FAM120C: variants seen among roughly 807,000 people sequenced by gnomAD.
FAM120C encodes constitutive coactivator of PPAR-gamma-like protein 2.
FAM120C carries 14 observed loss-of-function variants against 71.2 expected under a neutral mutation model. That is an observed-to-expected ratio of 0.20 (90% CI 0.13 to 0.31). The LOEUF (loss-of-function observed/expected upper bound fraction) is 0.31, where lower values mean the gene tolerates loss of function less well. Among genes scored for constraint, FAM120C ranks in the 10% least tolerant of loss-of-function variants. FAM120C has a pLI of 1.00. For synonymous variants in FAM120C, 354 were observed against 353.2 expected (o/e 1.00, Z -0.03); for missense variants, 500 against 879.0 (o/e 0.57, Z 5.45).
At chrX:54,170,890 C>T (rs1232391314) in intron 1 of FAM120C, among the ~76,000 whole-genome samples, 1 of 111,664 alleles carries the variant, frequency 9.0e-6, no homozygotes, top group Non-Finnish European at 1.9e-5. Context: ...CAAATCTTCA[C>T]GACTGAGAAG....
chrX:54,104,779 G>A (rs1186429694), intron 10 of FAM120C, among the ~76,000 whole-genome samples: 1 of 108,772 alleles, frequency 9.2e-6, no homozygotes, highest in Non-Finnish European at 1.9e-5. Context: ...CTGCACTTCA[G>A]CCTGGGCAAC....
At chrX:54,125,495 G>A (rs1034694190) in intron 9 of FAM120C, among the ~76,000 whole-genome samples, 5 of 111,521 alleles carry the variant, frequency 4.5e-5, no homozygotes, top group African/African-American at 1.6e-4. Context: ...TAGCAGAGAT[G>A]GGGTCTCTCC....
chrX:54,112,184 A>T (rs1306153681), intron 10 of FAM120C, among the ~76,000 whole-genome samples: 1 of 111,568 alleles, frequency 9.0e-6, no homozygotes, highest in African/African-American at 3.3e-5. Context: ...TGGGAGGCTG[A>T]GGTGGGTGGA....
intron 12 of FAM120C, among the ~76,000 whole-genome samples, chrX:54,087,168 C>T (rs1441623578): frequency 9.1e-6 from 1 of 110,186 alleles, no homozygotes; most frequent in Non-Finnish European, 1.9e-5. Context: ...CAAAAATTAG[C>T]TGGGCCTGGT....
At chrX:54,150,310 ATATCTCATG>A (rs1245945150) in intron 4 of FAM120C, among the ~76,000 whole-genome samples, 4 of 112,133 alleles carry the variant, frequency 3.6e-5, no homozygotes, top group African/African-American at 6.5e-5. Context: ...AAAGTATTGA[ATATCTCATG>A]TAATATACTG....
In FAM120C at chrX:54,182,851, G is replaced by A; in HGVS notation, c.348C>T (p.Ala116=). 9 of 1,162,888 alleles carry A rather than the reference G, an allele frequency of 7.7e-6. No individual in the cohort carries two copies. The South Asian group carries it at 1.6e-4, about 21-fold the overall frequency. Residue 116 remains alanine, a synonymous_variant, in exon 1 of 16, where the codon GCC becomes GCT. Transcript: ENST00000375180. The part of the protein sequence containing the change: ...PPPPPPQLPG[A]RVLVDAGSAL... ...CCGAGCCGGCGTCCACCAGCACCCG[G>A]GCCCCGGGCAGCTGAGGGGGCGGCG...
At chrX:54,173,978 A>G (rs1417135986) in intron 1 of FAM120C, 1 of 440,933 alleles carries the variant, frequency 2.3e-6, no homozygotes, top group Non-Finnish European at 4.0e-6. Context: ...CTGGGGAAGG[A>G]TCCGCTTCCA....
chrX:54,114,335 C>T (rs909541835), intron 10 of FAM120C, among the ~76,000 whole-genome samples: 4 of 111,581 alleles, frequency 3.6e-5, no homozygotes, highest in African/African-American at 9.8e-5. Context: ...GTGATGGCTA[C>T]GTGAAAAGCC....
chrX:54,151,290 G>A lies in FAM120C; in HGVS notation c.1113C>T (p.Pro371=), dbSNP rs146265936. The A allele has an allele frequency of 8.3e-7, 1 of 1,210,863 alleles. No individual in the cohort carries two copies. The highest frequency in any genetic ancestry group is 1.7e-5 in the African/African-American group (1 of 57,715). The change falls in exon 4 of 16, where the codon CCC becomes CCT. Residue 371 remains proline (P), a synonymous_variant. Transcript: ENST00000375180. The part of the protein sequence containing the change: ...VSEYVSSIKD[P]SNLDVVGKDV... Reference sequence around the variant, plus strand: ...CCTTCCCAACTACATCCAGGTTTGAGGGATCTTTGATGGAACTGACATACT... The same window carrying A: ...CCTTCCCAACTACATCCAGGTTTGAAGGATCTTTGATGGAACTGACATACT...
intron 4 of FAM120C, among the ~76,000 whole-genome samples, chrX:54,143,902 C>G (rs1334063488): frequency 9.0e-6 from 1 of 111,610 alleles, no homozygotes; most frequent in Non-Finnish European, 1.9e-5. Flanking sequence ...AACATTGATG[C>G]AAAAATCCTC....
At chrX:54,136,632 G>T in intron 4 of FAM120C, 42 bp from the exon 5 acceptor site, 1 of 915,109 alleles carries the variant, frequency 1.1e-6, no homozygotes, top group Non-Finnish European at 1.6e-6. Context: ...AAAAACATGA[G>T]AGTGTTTTTT....
Position 54,133,884 on chromosome X carries a change from C to T in FAM120C, c.1779G>A (p.Met593Ile). The change falls in exon 8 of 16, where the codon ATG becomes ATA. Residue 593 changes from methionine to isoleucine, a missense_variant. By Grantham distance (10) the Met-to-Ile change is conservative. Coordinates refer to ENST00000375180, the MANE Select transcript of FAM120C (RefSeq NM_017848.6). ...SLLSMSTRNH[M>I]DITIPPLPPV... Reference sequence around the variant, plus strand: ...GAGGTAAGGGTGGAATGGTGATATCCATGTGGTTCCTTGTAGACATAGACA... The same window carrying T: ...GAGGTAAGGGTGGAATGGTGATATCTATGTGGTTCCTTGTAGACATAGACA... 1 of 1,211,354 alleles carries T rather than the reference C, an allele frequency of 8.3e-7. No homozygotes were observed. Among genetic ancestry groups the T allele is most frequent in the Non-Finnish European group, 1.1e-6 (1 of 895,447 alleles).
intron 4 of FAM120C, 119 bp from the exon 5 acceptor site, chrX:54,136,709 A>C (rs1378054883): frequency 1.9e-6 from 1 of 526,072 alleles, no homozygotes; most frequent in Admixed American, 3.6e-5. Context: ...AAACCTAAGA[A>C]AGCAAATTTT....
At chrX:54,095,066 C>G (rs1251270617) in intron 10 of FAM120C, among the ~76,000 whole-genome samples, 1 of 106,131 alleles carries the variant, frequency 9.4e-6, no homozygotes, top group African/African-American at 3.3e-5. Context: ...GAACTTGTTT[C>G]AAAAACAAAA....
chrX:54,159,331 A>T (rs782723264), intron 2 of FAM120C, 39 bp downstream of exon 2: 1 of 1,205,665 alleles, frequency 8.3e-7, no homozygotes, highest in Admixed American at 2.2e-5. Context: ...CAGAAGAGGA[A>T]ACTACCAATC....
In FAM120C at chrX:54,165,286, G is replaced by A. The variant is rs981986726; in HGVS notation, c.700-5670C>T. On this transcript the variant is annotated intron_variant, in intron 1 of 15. Transcript: ENST00000375180. ...AAACAGAATCCACATGCTGTATTTC[G>A]TTGATATGGCTTCTAAGGACCTTAA... 5.4e-5 allele frequency among the ~76,000 whole-genome samples: 6 copies of A among 111,588 alleles called. No individual in the cohort carries two copies. In the East Asian group the frequency reaches 1.1e-3, roughly 21 times the overall value.
At chrX:54,150,917 G>A (rs1214777805) in intron 4 of FAM120C, among the ~76,000 whole-genome samples, 1 of 110,068 alleles carries the variant, frequency 9.1e-6, no homozygotes, top group Non-Finnish European at 1.9e-5. Flanking sequence ...ATTTCATCAT[G>A]TTGGCCAGGC....
Position 54,157,160 on chromosome X carries a change from T to C in FAM120C, c.1029+529A>G, listed in dbSNP as rs782780009. ...TTGTGAATTTTCTGCTTCTGTCCTT[T>C]GTTCATTATTTCATTATTGGGTTAT... On this transcript the variant is annotated intron_variant, in intron 3 of 15. Transcript: ENST00000375180. Among the ~76,000 whole-genome samples, 13 of 112,216 alleles carry C rather than the reference T, an allele frequency of 1.2e-4. 1 individual carries two copies. Among genetic ancestry groups the C allele is most frequent in the African/African-American group, 2.9e-4 (9 of 30,926 alleles).
chrX:54,070,450 T>C lies in FAM120C; in HGVS notation c.*2583A>G, dbSNP rs1264383582. ...AATACTGTCATTTGATTGTGTCAGATAGATTCAAGATGCACAGAAATAGCA... is the reference window on the plus strand; with the variant it reads ...AATACTGTCATTTGATTGTGTCAGACAGATTCAAGATGCACAGAAATAGCA... On this transcript the variant is annotated 3_prime_UTR_variant, in exon 16 of 16. Coordinates refer to ENST00000375180, the MANE Select transcript of FAM120C (RefSeq NM_017848.6). 4 of 112,405 alleles carry C rather than the reference T, an allele frequency of 3.6e-5. No homozygotes were observed. The highest frequency in any genetic ancestry group is 1.3e-4 in the African/African-American group (4 of 30,953). The allele number at this position is 112,405 out of a possible 1,213,427, so 9.3% of individuals were successfully genotyped here. A position where few individuals can be genotyped will look rare whatever the true frequency, so the allele number is the denominator to read the frequency against.
Sources: allele counts gnomAD v4.1 joint callset (sites outside exome capture counted in the v4.1 genomes callset), GRCh38; gene constraint gnomAD v4.1.1; transcripts MANE v1.5; gene names NCBI Gene and HGNC (gene_info 2026-07-23, HGNC 2026-07-21).